CHCHD6: variants seen among roughly 807,000 people sequenced by gnomAD.
CHCHD6 encodes the protein coiled-coil-helix-coiled-coil-helix domain containing 6.
Under a neutral mutation model 32.3 loss-of-function variants are expected in CHCHD6, and 28 were observed. That is an observed-to-expected ratio of 0.87 (90% CI 0.64 to 1.19). The LOEUF (loss-of-function observed/expected upper bound fraction) is 1.19. CHCHD6 is among the 50% of genes most tolerant of loss of function. CHCHD6 has a pLI of 0.00. For missense variants in CHCHD6, 333 were observed against 307.0 expected (o/e 1.08, Z -0.63); for synonymous variants, 122 against 117.5 (o/e 1.04, Z -0.25).
At chr3:126,752,178 G>A (rs1420604641) in intron 4 of CHCHD6, among the ~76,000 whole-genome samples, 3 of 152,306 alleles carry the variant, frequency 2.0e-5, no homozygotes, top group Admixed American at 6.5e-5. Flanking sequence ...TAGAAAAGGT[G>A]GGGAAGAAGG....
At chr3:126,823,318 C>A (rs992680794) in intron 4 of CHCHD6, among the ~76,000 whole-genome samples, 3 of 152,132 alleles carry the variant, frequency 2.0e-5, no homozygotes, top group Non-Finnish European at 4.4e-5. Flanking sequence ...ATCTATAGAT[C>A]AATTTATAGA....
chr3:126,798,410 CG>C (rs1230536329), intron 4 of CHCHD6, among the ~76,000 whole-genome samples: 2 of 152,194 alleles, frequency 1.3e-5, no homozygotes, highest in African/African-American at 4.8e-5. Flanking sequence ...TGAGGTTTCT[CG>C]GGTCTGTGTT....
At chr3:126,943,341 A>C (rs1029284321) in intron 6 of CHCHD6, among the ~76,000 whole-genome samples, 3 of 152,238 alleles carry the variant, frequency 2.0e-5, no homozygotes, top group African/African-American at 7.2e-5. Flanking sequence ...AAGTTAGGAA[A>C]TCGGAACAGA....
intron 4 of CHCHD6, among the ~76,000 whole-genome samples, chr3:126,807,074 G>C (rs1336351140): frequency 6.7e-6 from 1 of 149,046 alleles, no homozygotes; most frequent in Admixed American, 6.7e-5. Context: ...GGGAGGGATA[G>C]CATTAGGCGA....
chr3:126,789,370 G>C (rs1367227320), intron 4 of CHCHD6, among the ~76,000 whole-genome samples: 1 of 152,086 alleles, frequency 6.6e-6, no homozygotes, highest in African/African-American at 2.4e-5. Flanking sequence ...CAATTCCTGG[G>C]TATCCTTGTT....
intron 4 of CHCHD6, among the ~76,000 whole-genome samples, chr3:126,825,738 T>C (rs1472400593): frequency 6.6e-6 from 1 of 152,204 alleles, no homozygotes; most frequent in Non-Finnish European, 1.5e-5. Flanking sequence ...TTGCATGGTG[T>C]ATCATTTTCC....
At chr3:126,783,798 G>A (rs1938064031) in intron 4 of CHCHD6, among the ~76,000 whole-genome samples, 1 of 151,748 alleles carries the variant, frequency 6.6e-6, no homozygotes, top group South Asian at 2.1e-4. Flanking sequence ...CTGTGTGAGA[G>A]GTGCAGCTTG....
At position 126,814,665 on chromosome 3, in the gene CHCHD6, C is replaced by T. The variant is rs535030552; in HGVS notation, c.412-37982C>T. The stretch of plus-strand genomic sequence containing the variant: ...TACGCCCAGGGAGGACACAGAAGCT[C>T]GGCACCCCCTCCCACATGCCTTGCC... On this transcript the variant is annotated intron_variant, in intron 4 of 7. Coordinates refer to ENST00000290913, the MANE Select transcript of CHCHD6 (RefSeq NM_032343.3). Among the ~76,000 whole-genome samples, 17 of 152,304 alleles carry T rather than the reference C, an allele frequency of 1.1e-4. No individual in the cohort carries two copies. The East Asian group carries it at 1.7e-3, about 16-fold the overall frequency.
intron 4 of CHCHD6, among the ~76,000 whole-genome samples, chr3:126,803,752 G>C (rs1576436082): frequency 6.6e-6 from 1 of 152,150 alleles, no homozygotes; most frequent in Non-Finnish European, 1.5e-5. Context: ...CAGATCAACG[G>C]AATATACATT....
chr3:126,899,468 C>T (rs1253884537), intron 5 of CHCHD6, among the ~76,000 whole-genome samples: 1 of 152,062 alleles, frequency 6.6e-6, no homozygotes, highest in Non-Finnish European at 1.5e-5. Flanking sequence ...GTTTGGAAAC[C>T]TTCCTTTTCT....
chr3:126,745,925 C>T (rs887128303), intron 4 of CHCHD6, among the ~76,000 whole-genome samples: 1 of 152,136 alleles, frequency 6.6e-6, no homozygotes, highest in Non-Finnish European at 1.5e-5. Context: ...GCTTCCTGCC[C>T]ACTTGGGTGT....
intron 6 of CHCHD6, among the ~76,000 whole-genome samples, chr3:126,956,454 T>C (rs1413781952): frequency 6.6e-6 from 1 of 152,274 alleles, no homozygotes; most frequent in African/African-American, 2.4e-5. Context: ...AGCCTCAGTT[T>C]CCTCATTTGT....
chr3:126,841,699 A>G (rs145071797), intron 4 of CHCHD6, among the ~76,000 whole-genome samples: 4 of 151,984 alleles, frequency 2.6e-5, no homozygotes, highest in Admixed American at 2.0e-4. Context: ...TAACCCCAGG[A>G]GTTTGAGATC....
chr3:126,758,665 C>T lies in CHCHD6; in HGVS notation c.411+25443C>T, dbSNP rs1937054985. Among the ~76,000 whole-genome samples, 3 of 152,260 alleles carry T rather than the reference C, an allele frequency of 2.0e-5. No individual in the cohort carries two copies. In the South Asian group the frequency reaches 6.2e-4, roughly 32 times the overall value. On this transcript the variant is annotated intron_variant, in intron 4 of 7. Coordinates refer to ENST00000290913, the MANE Select transcript of CHCHD6 (RefSeq NM_032343.3). ...TTAGCAATTGGCTTTAATTCTCAAGCCACTCTCAAGTTTGTAGGTGAGCAA... is the reference window on the plus strand; with the variant it reads ...TTAGCAATTGGCTTTAATTCTCAAGTCACTCTCAAGTTTGTAGGTGAGCAA...
At chr3:126,734,881 A>G (rs73199899) in intron 4 of CHCHD6, among the ~76,000 whole-genome samples, 15,399 of 152,210 alleles carry the variant, frequency 0.1, 868 homozygotes, top group Middle Eastern at 0.22. Context: ...TAACCCTCAA[A>G]GTAGCCCGCA....
At chr3:126,766,654 C>G (rs760795901) in intron 4 of CHCHD6, 128 of 1,034,690 alleles carry the variant, frequency 1.2e-4, no homozygotes, top group Non-Finnish European at 1.3e-4. Flanking sequence ...CTATGGTGCT[C>G]TCTCGGTGGC....
intron 6 of CHCHD6, among the ~76,000 whole-genome samples, chr3:126,917,048 G>A (rs1279635842): frequency 6.6e-6 from 1 of 152,226 alleles, no homozygotes; most frequent in Non-Finnish European, 1.5e-5. Flanking sequence ...CAGCCCCTTT[G>A]TGAATTTGGC....
chr3:126,942,118 G>A (rs558245598), intron 6 of CHCHD6, among the ~76,000 whole-genome samples: 10 of 152,288 alleles, frequency 6.6e-5, no homozygotes, highest in South Asian at 4.1e-4. Context: ...GACTCAAGCC[G>A]TGCATTCTTG....
chr3:126,801,991 G>T lies in CHCHD6; in HGVS notation c.412-50656G>T. ...ACCTCTAGCAAACTCCAACAGATCT[G>T]CAGCTGAGGGTCCTGTCCGTTAGAA... is the stretch of plus-strand genomic sequence containing the variant. On this transcript the variant is annotated intron_variant, in intron 4 of 7. Transcript: ENST00000290913. Among the ~76,000 whole-genome samples the T allele has an allele frequency of 1.3e-5, 2 of 152,230 alleles. 1 individual carries two copies. The highest frequency in any genetic ancestry group is 2.9e-5 in the Non-Finnish European group (2 of 68,042).
Sources: gnomAD v4.1 joint callset for allele counts (sites outside exome capture counted in the v4.1 genomes callset) on GRCh38, gnomAD v4.1.1 for gene constraint, MANE v1.5 for transcripts, NCBI Gene and HGNC (gene_info 2026-07-23, HGNC 2026-07-21) for gene names.